The following SLC39A10 variants were observed in gnomAD, a reference collection of about 807,000 sequenced individuals.
The protein encoded by SLC39A10 is zinc transporter ZIP10.
Under a neutral mutation model 65.1 loss-of-function variants are expected in SLC39A10, and 13 were observed. The ratio of observed to expected loss-of-function variants is 0.20; its 90% CI spans 0.13 to 0.32. SLC39A10 has a LOEUF of 0.32. Ranked by LOEUF, SLC39A10 falls within the 10% of genes least tolerant of loss-of-function variation. The probability of loss-of-function intolerance (pLI) is 1.00; values close to 1 mark genes in which losing one functional copy is unlikely to be tolerated. For synonymous variants in SLC39A10, 321 were observed against 342.2 expected (o/e 0.94, Z 0.68); for missense variants, 831 against 1,018.4 (o/e 0.82, Z 2.50).
At chr2:195,692,388 G>A (rs1574277920) in intron 3 of SLC39A10, among the ~76,000 whole-genome samples, 2 of 152,054 alleles carry the variant, frequency 1.3e-5, no homozygotes, top group Admixed American at 6.5e-5. Flanking sequence ...GAAGAATGAT[G>A]ATGGTATTTT....
chr2:195,616,992 T>G (rs1305476244), intron 2 of SLC39A10, among the ~76,000 whole-genome samples: 2 of 152,220 alleles, frequency 1.3e-5, no homozygotes, highest in Non-Finnish European at 2.9e-5. Context: ...GCCTATCAGT[T>G]TTTGTCTTAT....
chr2:195,645,754 A>G (rs558006311), intron 2 of SLC39A10, among the ~76,000 whole-genome samples: 1 of 152,196 alleles, frequency 6.6e-6, no homozygotes, highest in Non-Finnish European at 1.5e-5. Flanking sequence ...ATGTTGTAGC[A>G]TGTATTTCTA....
At chr2:195,683,649 A>T in intron 2 of SLC39A10, 50 bp from the exon 3 acceptor site, 2 of 1,419,702 alleles carry the variant, frequency 1.4e-6, no homozygotes, top group Admixed American at 1.9e-5. Context: ...TTTTTGCATA[A>T]TCTCCTTAAA....
chr2:195,731,239 C>G (rs558470201), intron 9 of SLC39A10, among the ~76,000 whole-genome samples: 3 of 152,280 alleles, frequency 2.0e-5, no homozygotes, highest in African/African-American at 7.2e-5. Context: ...TTCAAATCCT[C>G]CCACTCTCCC....
At chr2:195,674,289 A>C (rs1405056468) in intron 1 of SLC39A10, among the ~76,000 whole-genome samples, 1 of 151,842 alleles carries the variant, frequency 6.6e-6, no homozygotes, top group Admixed American at 6.6e-5. Context: ...ATTTTATTTT[A>C]TTTTTGAGAC....
intron 3 of SLC39A10, among the ~76,000 whole-genome samples, chr2:195,704,905 G>A (rs2105808329): frequency 1.3e-5 from 2 of 152,054 alleles, no homozygotes; most frequent in East Asian, 3.9e-4. Context: ...TCAAGCGATC[G>A]TTCCACCTCA....
At chr2:195,643,873 A>G (rs1023792965) in intron 2 of SLC39A10, among the ~76,000 whole-genome samples, 16 of 152,162 alleles carry the variant, frequency 1.1e-4, no homozygotes, top group African/African-American at 3.9e-4. Flanking sequence ...CCTCCTTTCT[A>G]CCCAACATCA....
chr2:195,713,499 C>G lies in SLC39A10; in HGVS notation c.1642C>G (p.His548Asp). ...AACTATTGGAAGAAAGCTTTCAGATCACAAGTTAAACAATACACCAGATTC... is the reference window on the plus strand; with the variant it reads ...AACTATTGGAAGAAAGCTTTCAGATGACAAGTTAAACAATACACCAGATTC... ...ESTIGRKLSD[H>D]KLNNTPDSDW... Residue 548 changes from histidine (H) to aspartate (D), a missense_variant, in exon 6 of 10, where the codon CAC becomes GAC. Physicochemically the swap from His to Asp is moderately conservative, Grantham distance 81. Around this residue, in one of 4 missense-constraint regions of SLC39A10, gnomAD observed 230 missense variants for 242.9 expected, o/e 0.95. Coordinates refer to ENST00000359634, the MANE Select transcript of SLC39A10 (RefSeq NM_020342.3). 1 of 1,586,002 alleles carries G rather than the reference C, an allele frequency of 6.3e-7. No individual in the cohort carries two copies. The highest frequency in any genetic ancestry group is 1.4e-5 in the African/African-American group (1 of 72,960).
intron 5 of SLC39A10, among the ~76,000 whole-genome samples, chr2:195,710,058 A>G (rs1338717754): frequency 6.6e-6 from 1 of 152,200 alleles, no homozygotes; most frequent in Non-Finnish European, 1.5e-5. Flanking sequence ...CACTTTGGAG[A>G]TGATGCTTGA....
chr2:195,625,622 A>G (rs1163229343), intron 2 of SLC39A10, among the ~76,000 whole-genome samples: 1 of 151,998 alleles, frequency 6.6e-6, no homozygotes, highest in Admixed American at 6.5e-5. Flanking sequence ...GTCCATTTTC[A>G]CCATTATATG....
chr2:195,694,790 C>T (rs542960733), intron 3 of SLC39A10, among the ~76,000 whole-genome samples: 2 of 152,100 alleles, frequency 1.3e-5, no homozygotes, highest in Non-Finnish European at 2.9e-5. Flanking sequence ...GAGGATCAGG[C>T]GATGGGTGGG....
chr2:195,732,828 G>A (rs1692470818), intron 9 of SLC39A10, among the ~76,000 whole-genome samples: 1 of 152,202 alleles, frequency 6.6e-6, no homozygotes, highest in Non-Finnish European at 1.5e-5. Context: ...CAGCGCCTCT[G>A]CTGTTGTAGC....
chr2:195,728,135 A>T lies in SLC39A10; in HGVS notation c.2147-24A>T. On this transcript the variant is annotated intron_variant, in intron 8 of 9. Transcript: ENST00000359634. This position sits in a 1 kb window ranked among gnomAD's most constrained non-coding sequence, Gnocchi z 4.4. ...GTTTTAAATCCTGTGGTTTTAAAAC[A>T]TTCCCATTGTTTCTTAATTGCAGGA... The T allele has an allele frequency of 6.3e-7, 1 of 1,589,344 alleles. No homozygotes were observed. The highest frequency in any genetic ancestry group is 8.6e-7 in the Non-Finnish European group (1 of 1,163,178).
intron 2 of SLC39A10, among the ~76,000 whole-genome samples, chr2:195,644,708 G>A (rs1170054694): frequency 1.3e-5 from 2 of 151,728 alleles, no homozygotes; most frequent in East Asian, 1.9e-4. Flanking sequence ...AGGAGGCTGA[G>A]GTGGAAGGAT....
chr2:195,730,639 A>G (rs1692404385), intron 9 of SLC39A10, among the ~76,000 whole-genome samples: 1 of 152,164 alleles, frequency 6.6e-6, no homozygotes, highest in Non-Finnish European at 1.5e-5. Flanking sequence ...ATCTAGTTTC[A>G]TGGCTTTAAA....
At chr2:195,636,880 T>TA (rs57227121) in intron 2 of SLC39A10, among the ~76,000 whole-genome samples, 11 of 151,996 alleles carry the variant, frequency 7.2e-5, no homozygotes, top group East Asian at 1.9e-4. Flanking sequence ...CATAAAAAAT[T>TA]AAAAAAAATA....
At chr2:195,688,111 C>T (rs1194775703) in intron 3 of SLC39A10, among the ~76,000 whole-genome samples, 1 of 152,162 alleles carries the variant, frequency 6.6e-6, no homozygotes, top group African/African-American at 2.4e-5. Context: ...TTGTTTCAGA[C>T]ATTTGGCGCT....
intron 2 of SLC39A10, among the ~76,000 whole-genome samples, chr2:195,635,373 C>T (rs1470598433): frequency 6.6e-6 from 1 of 152,144 alleles, no homozygotes; most frequent in Non-Finnish European, 1.5e-5. Flanking sequence ...AGCAGTGGTC[C>T]ATGGAACCTG....
intron 1 of SLC39A10, among the ~76,000 whole-genome samples, chr2:195,660,584 G>A (rs1399583751): frequency 6.6e-6 from 1 of 152,136 alleles, no homozygotes; most frequent in Admixed American, 6.5e-5. Flanking sequence ...AGTTTCCTCT[G>A]GGTAGTTAGT....
Sources: allele counts gnomAD v4.1 joint callset (sites outside exome capture counted in the v4.1 genomes callset), GRCh38; gene constraint gnomAD v4.1.1; regional missense constraint gnomAD v4.1.1; non-coding constraint Gnocchi (gnomAD v3.1); transcripts MANE v1.5; gene names NCBI Gene and HGNC (gene_info 2026-07-23, HGNC 2026-07-21).